Variants in TTC28 observed in about 807,000 individuals in gnomAD.
TTC28 encodes tetratricopeptide repeat domain 28.
A neutral mutation model predicts 198.0 loss-of-function variants in TTC28; 61 were observed. That is an observed-to-expected ratio of 0.31 (90% CI 0.25 to 0.38). The LOEUF is 0.38. Ranked by LOEUF, TTC28 falls within the 10% of genes least tolerant of loss-of-function variation. The pLI is 1.00. For missense variants in TTC28, 2,678 were observed against 3,164.0 expected (o/e 0.85, Z 3.69); for synonymous variants, 1,171 against 1,297.8 (o/e 0.90, Z 2.10).
intron 2 of TTC28, among the ~76,000 whole-genome samples, chr22:28,584,611 T>A (rs1221811629): frequency 2.0e-5 from 3 of 152,242 alleles, no homozygotes; most frequent in Non-Finnish European, 2.9e-5. Flanking sequence ...TTTTTAATAT[T>A]GTATTTAATT....
intron 2 of TTC28, among the ~76,000 whole-genome samples, chr22:28,437,246 C>T (rs561428509): frequency 6.6e-5 from 10 of 152,166 alleles, no homozygotes; most frequent in African/African-American, 2.2e-4. Flanking sequence ...CTATTCCTGG[C>T]TAATTTTTGT....
At chr22:28,474,166 G>T (rs2048132389) in intron 2 of TTC28, among the ~76,000 whole-genome samples, 1 of 152,170 alleles carries the variant, frequency 6.6e-6, no homozygotes, top group African/African-American at 2.4e-5. Context: ...AGGAAAAAAA[G>T]ATCAGGAGAA....
At chr22:28,333,779 A>T (rs134489) in intron 2 of TTC28, among the ~76,000 whole-genome samples, 37,876 of 151,996 alleles carry the variant, frequency 0.25, 4,926 homozygotes, top group African/African-American at 0.29. Flanking sequence ...AAGTTAAATC[A>T]AAGTATTGTG....
chr22:28,017,905 TC>T (rs922384233), intron 13 of TTC28, among the ~76,000 whole-genome samples: 6 of 151,908 alleles, frequency 3.9e-5, no homozygotes, highest in Non-Finnish European at 7.4e-5. Flanking sequence ...GCACCCAAGC[TC>T]CAATGAAGGC....
chr22:28,090,140 T>C (rs1321524234), intron 12 of TTC28, among the ~76,000 whole-genome samples: 1 of 150,016 alleles, frequency 6.7e-6, no homozygotes, highest in East Asian at 1.9e-4. Context: ...ACTATATGCC[T>C]AATTGTAAAA....
At chr22:28,548,209 T>A (rs1288987173) in intron 2 of TTC28, among the ~76,000 whole-genome samples, 1 of 152,154 alleles carries the variant, frequency 6.6e-6, no homozygotes, top group Non-Finnish European at 1.5e-5. Context: ...TAGCCCCATA[T>A]CATCTTAGAA....
chr22:28,238,994 G>GTTT (rs1929462992), intron 5 of TTC28, among the ~76,000 whole-genome samples: 1 of 152,068 alleles, frequency 6.6e-6, no homozygotes, highest in South Asian at 2.1e-4. Context: ...GACATGACCT[G>GTTT]CAAAGTATTC....
intron 2 of TTC28, among the ~76,000 whole-genome samples, chr22:28,447,520 G>T (rs1377272667): frequency 6.6e-6 from 1 of 152,132 alleles, no homozygotes; most frequent in Non-Finnish European, 1.5e-5. Flanking sequence ...ACCACTCAAG[G>T]CTTCAGTTTC....
chr22:28,673,210 T>G (rs2051918521), intron 1 of TTC28, among the ~76,000 whole-genome samples: 1 of 152,096 alleles, frequency 6.6e-6, no homozygotes. Flanking sequence ...CCGTCTCTAC[T>G]AAAAATACAA....
intron 2 of TTC28, among the ~76,000 whole-genome samples, chr22:28,544,029 T>C (rs949400792): frequency 6.6e-6 from 1 of 152,178 alleles, no homozygotes; most frequent in South Asian, 2.1e-4. Context: ...GAGACCAGCC[T>C]GGCCAACCTG....
intron 5 of TTC28, among the ~76,000 whole-genome samples, chr22:28,207,599 T>G (rs1263356123): frequency 6.6e-6 from 1 of 152,134 alleles, no homozygotes; most frequent in Non-Finnish European, 1.5e-5. Context: ...CAGAACATAG[T>G]AAGCGTACAG....
chr22:28,632,256 T>A (rs2051186741), intron 1 of TTC28, among the ~76,000 whole-genome samples: 1 of 88,240 alleles, frequency 1.1e-5, no homozygotes, highest in Non-Finnish European at 2.7e-5. Context: ...TATTCAACTT[T>A]TTTTTTTTTT....
At chr22:28,530,990 A>C (rs1216752718) in intron 2 of TTC28, among the ~76,000 whole-genome samples, 6 of 152,208 alleles carry the variant, frequency 3.9e-5, no homozygotes, top group Non-Finnish European at 8.8e-5. Context: ...CTAGGAAGAA[A>C]CTGCATCAAC....
intron 2 of TTC28, among the ~76,000 whole-genome samples, chr22:28,627,290 T>C (rs2051091078): frequency 6.6e-6 from 1 of 152,154 alleles, no homozygotes; most frequent in African/African-American, 2.4e-5. Flanking sequence ...TTATTATTAT[T>C]CCCATTTATC....
chr22:28,370,427 C>T (rs1175554255), intron 2 of TTC28, among the ~76,000 whole-genome samples: 1 of 152,148 alleles, frequency 6.6e-6, no homozygotes, highest in Admixed American at 6.5e-5. Flanking sequence ...AGTTAAACCT[C>T]GAATTCCTAC....
intron 2 of TTC28, among the ~76,000 whole-genome samples, chr22:28,405,219 T>A (rs1286493038): frequency 6.6e-6 from 1 of 152,222 alleles, no homozygotes; most frequent in Non-Finnish European, 1.5e-5. Context: ...AATTAAAACA[T>A]CCTATATACC....
chr22:28,069,921 TACAAAC>T (rs1940899644), intron 12 of TTC28, among the ~76,000 whole-genome samples: 1 of 114,940 alleles, frequency 8.7e-6, no homozygotes, highest in Non-Finnish European at 1.7e-5. Context: ...TGAAAGGTTG[TACAAAC>T]ACACACACAC....
At chr22:28,176,996 A>C (rs1923222305) in intron 5 of TTC28, among the ~76,000 whole-genome samples, 1 of 152,218 alleles carries the variant, frequency 6.6e-6, no homozygotes, top group African/African-American at 2.4e-5. Context: ...TAAGACCAAA[A>C]ATATGTTCAA....
intron 6 of TTC28, among the ~76,000 whole-genome samples, chr22:28,145,300 A>G (rs1022606094): frequency 1.3e-5 from 2 of 152,186 alleles, no homozygotes; most frequent in African/African-American, 2.4e-5. Flanking sequence ...GAGGCCCAGG[A>G]AAGTAATATA....
Sources: allele counts gnomAD v4.1 joint callset (sites outside exome capture counted in the v4.1 genomes callset), GRCh38; gene constraint gnomAD v4.1.1; transcripts MANE v1.5; gene names NCBI Gene and HGNC (gene_info 2026-07-23, HGNC 2026-07-21).